The following PSMA1 variants were observed in gnomAD, a reference collection of about 807,000 sequenced individuals.
PSMA1 encodes the protein proteasome 20S subunit alpha 1, also known as proteasome subunit alpha type-1.
In PSMA1, 3 loss-of-function variants were observed where a neutral mutation model predicts 38.4. The ratio of observed to expected loss-of-function variants is 0.08; its 90% CI spans 0.04 to 0.20. PSMA1 has a LOEUF of 0.20. Ranked by LOEUF, PSMA1 falls within the 10% of genes least tolerant of loss-of-function variation. The pLI, the probability that PSMA1 is intolerant of heterozygous loss-of-function variation, is 1.00. For missense variants in PSMA1, 227 were observed against 325.3 expected, an observed-to-expected ratio of 0.70 and a Z score of 2.32; for synonymous variants, 101 against 107.1, an observed-to-expected ratio of 0.94 and a Z score of 0.35.
intron 2 of PSMA1, among the ~76,000 whole-genome samples, chr11:14,532,274 A>G (rs905820692): frequency 2.0e-5 from 3 of 152,216 alleles, no homozygotes; most frequent in Admixed American, 1.3e-4. Context: ...TAGGAAAAAC[A>G]GCTTACAGCT....
chr11:14,624,558 C>G (rs1412628571), intron 1 of PSMA1, among the ~76,000 whole-genome samples: 2 of 152,140 alleles, frequency 1.3e-5, no homozygotes, highest in Non-Finnish European at 2.9e-5. Flanking sequence ...AGGGAGTGCA[C>G]TCTTGCCAGG....
chr11:14,599,083 T>G (rs1258200353), intron 2 of PSMA1, among the ~76,000 whole-genome samples: 1 of 152,202 alleles, frequency 6.6e-6, no homozygotes, highest in Non-Finnish European at 1.5e-5. Flanking sequence ...TCTTCTGGCT[T>G]TTAGAGTTTC....
At chr11:14,572,630 C>A (rs1852159489) in intron 2 of PSMA1, among the ~76,000 whole-genome samples, 2 of 152,126 alleles carry the variant, frequency 1.3e-5, no homozygotes, top group Non-Finnish European at 2.9e-5. Context: ...CAAACACATT[C>A]AAAAGCTAGC....
At chr11:14,547,400 A>C (rs1361562577) in intron 2 of PSMA1, among the ~76,000 whole-genome samples, 3 of 152,248 alleles carry the variant, frequency 2.0e-5, no homozygotes, top group Non-Finnish European at 4.4e-5. Context: ...TCTGGGCAGT[A>C]TACTTTGCAT....
At chr11:14,528,331 T>G (rs1215691880) in intron 2 of PSMA1, among the ~76,000 whole-genome samples, 1 of 152,166 alleles carries the variant, frequency 6.6e-6, no homozygotes, top group Admixed American at 6.5e-5. Context: ...CCTTCTTTTA[T>G]TCGGACCTTG....
At chr11:14,533,911 T>TGG (rs2134160828) in intron 2 of PSMA1, among the ~76,000 whole-genome samples, 1 of 151,804 alleles carries the variant, frequency 6.6e-6, no homozygotes, top group African/African-American at 2.4e-5. Flanking sequence ...CTGGGCGCAG[T>TGG]GGCTCATGCC....
intron 2 of PSMA1, among the ~76,000 whole-genome samples, chr11:14,592,231 T>G (rs1237124366): frequency 6.6e-6 from 1 of 152,068 alleles, no homozygotes; most frequent in African/African-American, 2.4e-5. Context: ...GCTTCATTCT[T>G]GAAGTCAGTG....
intron 2 of PSMA1, 146 bp from the exon 3 acceptor site, chr11:14,518,127 T>A (rs1286964164): frequency 8.4e-6 from 5 of 598,320 alleles, no homozygotes; most frequent in Non-Finnish European, 1.4e-5. Context: ...TTGAGACAGG[T>A]TCTCACTCTG....
intron 1 of PSMA1, among the ~76,000 whole-genome samples, chr11:14,632,344 T>C (rs1331752065): frequency 1.5e-4 from 23 of 149,020 alleles, no homozygotes; most frequent in Admixed American, 4.0e-4. Flanking sequence ...CTTCAGGAGC[T>C]CTTGTAAGGC....
intron 1 of PSMA1, among the ~76,000 whole-genome samples, chr11:14,630,230 C>T (rs1006564265): frequency 1.3e-4 from 20 of 152,202 alleles, no homozygotes; most frequent in African/African-American, 4.6e-4. Context: ...AGAGGGCATC[C>T]CTGTCTTATG....
At chr11:14,550,498 G>T (rs1375743442) in intron 2 of PSMA1, among the ~76,000 whole-genome samples, 1 of 152,002 alleles carries the variant, frequency 6.6e-6, no homozygotes, top group African/African-American at 2.4e-5. Context: ...CAGTTGCCTG[G>T]TATTTTTTCT....
chr11:14,519,383 G>C (rs991910439), intron 1 of PSMA1, among the ~76,000 whole-genome samples: 8 of 152,090 alleles, frequency 5.3e-5, no homozygotes, highest in African/African-American at 1.9e-4. Context: ...CTAATAAATG[G>C]TTAAAAGTCT....
chr11:14,583,624 C>G (rs1852307338), intron 2 of PSMA1, among the ~76,000 whole-genome samples: 1 of 152,186 alleles, frequency 6.6e-6, no homozygotes, highest in Admixed American at 6.5e-5. Context: ...TGCTGCATTT[C>G]CACCCAAGTG....
rs1851379209 is a variant in PSMA1 at position 14,513,561 on chromosome 11, G to A, written c.544+9C>T. 7.3e-7 allele frequency: 1 copy of A among 1,374,534 alleles called. No homozygotes were observed. Among genetic ancestry groups the A allele is most frequent in the African/African-American group, 1.6e-5 (1 of 64,014 alleles). 85.1% of individuals were successfully genotyped at this position (1,374,534 alleles called of 1,614,324 possible). A position where few individuals can be genotyped will look rare whatever the true frequency, so the allele number is the denominator to read the frequency against. ...AAAAAAAAAAAAAAAAAGCAAGGCT[G>A]TCACTTACACTCCATAAATTCAGAC... is the stretch of plus-strand genomic sequence containing the variant. On this transcript the variant is annotated intron_variant, in intron 7 of 9. Transcript: ENST00000396394.
At chr11:14,510,147 A>T (rs1851319724) in intron 8 of PSMA1, among the ~76,000 whole-genome samples, 1 of 152,134 alleles carries the variant, frequency 6.6e-6, no homozygotes, top group African/African-American at 2.4e-5. Flanking sequence ...ACAATGGCTT[A>T]TGGGACCTCC....
intron 2 of PSMA1, among the ~76,000 whole-genome samples, chr11:14,581,463 T>C (rs1852281082): frequency 6.6e-6 from 1 of 152,212 alleles, no homozygotes; most frequent in South Asian, 2.1e-4. Flanking sequence ...CAGTACATAC[T>C]TCATGAGGTT....
intron 2 of PSMA1, among the ~76,000 whole-genome samples, chr11:14,561,828 AC>A (rs1589993068): frequency 6.6e-6 from 1 of 150,944 alleles, no homozygotes; most frequent in East Asian, 1.9e-4. Flanking sequence ...ACTAAACTAA[AC>A]TAAACTAAAC....
intron 2 of PSMA1, among the ~76,000 whole-genome samples, chr11:14,579,517 G>T (rs1447630520): frequency 4.3e-5 from 6 of 139,038 alleles, no homozygotes; most frequent in East Asian, 2.1e-4. Context: ...TTTAAATAAG[G>T]TAACATTAAC....
upstream of PSMA1, among the ~76,000 whole-genome samples, chr11:14,520,890 A>G (rs1565035362): frequency 6.6e-6 from 1 of 152,192 alleles, no homozygotes; most frequent in African/African-American, 2.4e-5. Context: ...TTGGCAAAAT[A>G]CTTTGGAATG....
Sources: gnomAD v4.1 joint callset for allele counts (sites outside exome capture counted in the v4.1 genomes callset) on GRCh38, gnomAD v4.1.1 for gene constraint, MANE v1.5 for transcripts, NCBI Gene and HGNC (gene_info 2026-07-23, HGNC 2026-07-21) for gene names.